The following CHRNA7 variants were observed in gnomAD, a reference collection of about 807,000 sequenced individuals.
CHRNA7 encodes the protein neuronal acetylcholine receptor subunit alpha-7.
In CHRNA7, 17 loss-of-function variants were observed where a neutral mutation model predicts 48.0. The observed-to-expected ratio is 0.35, with a 90% CI of 0.24 to 0.53. CHRNA7 has a LOEUF of 0.53. CHRNA7 is among the 20% of genes least tolerant of loss of function. The pLI, the probability that CHRNA7 is intolerant of heterozygous loss-of-function variation, is 0.92. For missense variants in CHRNA7, 155 were observed against 577.7 expected, an observed-to-expected ratio of 0.27 and a Z score of 7.50; for synonymous variants, 75 against 242.3, an observed-to-expected ratio of 0.31 and a Z score of 6.41.
intron 2 of CHRNA7, among the ~76,000 whole-genome samples, chr15:32,069,142 A>G (rs1483803624): frequency 2.6e-5 from 4 of 152,220 alleles, no homozygotes; most frequent in East Asian, 1.9e-4. Flanking sequence ...CCTAATAGAC[A>G]CATCTATAGG....
intron 2 of CHRNA7, among the ~76,000 whole-genome samples, chr15:32,061,010 T>C (rs1018384499): frequency 6.6e-6 from 1 of 152,168 alleles, no homozygotes; most frequent in Non-Finnish European, 1.5e-5. Context: ...TTTGGATTCA[T>C]CACAAGAGCA....
intron 4 of CHRNA7, among the ~76,000 whole-genome samples, chr15:32,136,259 G>C (rs146294685): frequency 1.2e-3 from 187 of 152,264 alleles, no homozygotes; most frequent in African/African-American, 4.3e-3. Context: ...GGGAGGCCAA[G>C]GCAAGTAGAT....
chr15:32,153,112 A>C (rs1339847620), intron 4 of CHRNA7, among the ~76,000 whole-genome samples: 2 of 152,152 alleles, frequency 1.3e-5, no homozygotes, highest in African/African-American at 4.8e-5. Context: ...CTGCACCTGC[A>C]GTTCAGTCAT....
At chr15:32,048,885 G>A (rs1173933977) in intron 2 of CHRNA7, among the ~76,000 whole-genome samples, 2 of 151,700 alleles carry the variant, frequency 1.3e-5, no homozygotes, top group Non-Finnish European at 2.9e-5. Flanking sequence ...GTTCTCGTTG[G>A]TTTCAAAGAA....
At chr15:32,049,025 G>GTCTGAAAGACAGATTGTTATAATT (rs1457140245) in intron 2 of CHRNA7, among the ~76,000 whole-genome samples, 1 of 102,042 alleles carries the variant, frequency 9.8e-6, no homozygotes, top group Admixed American at 9.8e-5. Context: ...TTGCACTGTG[G>GTCTGAAAGACAGATTGTTATAATT]TCTGTTCTTT....
chr15:32,070,668 C>CCT (rs2050040805), intron 2 of CHRNA7, among the ~76,000 whole-genome samples: 1 of 56,538 alleles, frequency 1.8e-5, no homozygotes, highest in Non-Finnish European at 3.5e-5. Context: ...AGGTTTAGTT[C>CCT]CTTTTTTTTT....
intron 2 of CHRNA7, among the ~76,000 whole-genome samples, chr15:32,091,966 T>TG (rs5811679): frequency 0.98 from 149,298 of 152,236 alleles, 73,281 homozygotes; most frequent in East Asian, 1. Context: ...TCTCCTGTTT[T>TG]CTAGGACCAG....
chr15:32,053,190 G>A (rs1317816583), intron 2 of CHRNA7, among the ~76,000 whole-genome samples: 1 of 152,136 alleles, frequency 6.6e-6, no homozygotes, highest in African/African-American at 2.4e-5. Context: ...TTTTACTAAA[G>A]GAATCTTTCT....
At position 32,032,294 on chromosome 15, in the gene CHRNA7, A is replaced by G. The variant is rs945345013; in HGVS notation, c.195+1257A>G. Among the ~76,000 whole-genome samples, 20 of 152,100 alleles carry G rather than the reference A, an allele frequency of 1.3e-4. 1 individual carries two copies. Among genetic ancestry groups the G allele is most frequent in the African/African-American group, 4.1e-4 (17 of 41,404 alleles). On this transcript the variant is annotated intron_variant, in intron 2 of 9. Transcript: ENST00000306901. Reference sequence around the variant, plus strand: ...CAGTCTCATGTGTTGCAGAGCAGCAAAAGTTGCTGTTTATGGAGCAGTTCC... The same window carrying G: ...CAGTCTCATGTGTTGCAGAGCAGCAGAAGTTGCTGTTTATGGAGCAGTTCC...
chr15:32,047,984 C>T (rs1362467880), intron 2 of CHRNA7, among the ~76,000 whole-genome samples: 8 of 152,116 alleles, frequency 5.3e-5, no homozygotes, highest in South Asian at 4.2e-4. Context: ...TATTGATTTG[C>T]GTATATTGAA....
intron 2 of CHRNA7, among the ~76,000 whole-genome samples, chr15:32,049,267 T>A (rs28888532): frequency 1.3e-3 from 199 of 151,966 alleles, no homozygotes; most frequent in African/African-American, 4.6e-3. Context: ...CCCATTATTA[T>A]TGTGTGGCAG....
chr15:32,045,071 G>A (rs1333154930), intron 2 of CHRNA7, among the ~76,000 whole-genome samples: 1 of 152,144 alleles, frequency 6.6e-6, no homozygotes, highest in African/African-American at 2.4e-5. Context: ...GCATGCTTTA[G>A]TGTTAAGAGT....
intron 4 of CHRNA7, among the ~76,000 whole-genome samples, chr15:32,139,605 A>G (rs2051339901): frequency 1.3e-5 from 2 of 150,464 alleles, no homozygotes. Flanking sequence ...AATTTGTATT[A>G]AATATGACAA....
chr15:32,044,743 C>T (rs1378315780), intron 2 of CHRNA7, among the ~76,000 whole-genome samples: 2 of 152,144 alleles, frequency 1.3e-5, no homozygotes, highest in Admixed American at 1.3e-4. Flanking sequence ...TTTCAGTTGC[C>T]CCAACTGGGG....
intron 2 of CHRNA7, among the ~76,000 whole-genome samples, chr15:32,074,328 A>G (rs1390118382): frequency 6.8e-6 from 1 of 146,046 alleles, no homozygotes; most frequent in Admixed American, 6.7e-5. Context: ...AACTTACTGC[A>G]CTGGCTAAAA....
intron 2 of CHRNA7, among the ~76,000 whole-genome samples, chr15:32,034,040 A>G (rs948526934): frequency 3.3e-5 from 5 of 152,236 alleles, no homozygotes; most frequent in African/African-American, 1.2e-4. Context: ...TTTTCCTTTC[A>G]GAGATCTCAT....
intron 4 of CHRNA7, among the ~76,000 whole-genome samples, chr15:32,135,350 A>G (rs1324805102): frequency 6.6e-6 from 1 of 152,248 alleles, no homozygotes; most frequent in African/African-American, 2.4e-5. Context: ...GAAACAAAGC[A>G]GATGTTCTCA....
intron 2 of CHRNA7, among the ~76,000 whole-genome samples, chr15:32,079,782 GA>G (rs59955932): frequency 0.47 from 69,133 of 147,160 alleles, 17,754 homozygotes; most frequent in South Asian, 0.66. Context: ...CACAAAATTA[GA>G]AAAAAAAAAA....
chr15:32,126,009 GC>G (rs1245472646), intron 4 of CHRNA7, among the ~76,000 whole-genome samples: 4 of 116,806 alleles, frequency 3.4e-5, no homozygotes, highest in Non-Finnish European at 6.9e-5. Flanking sequence ...GTAGCTGATA[GC>G]AAAAAAAAAA....
Sources: allele counts gnomAD v4.1 joint callset (sites outside exome capture counted in the v4.1 genomes callset), GRCh38; gene constraint gnomAD v4.1.1; transcripts MANE v1.5; gene names NCBI Gene and HGNC (gene_info 2026-07-23, HGNC 2026-07-21).